Variants in MEF2A observed in about 807,000 individuals in gnomAD.
The protein encoded by MEF2A is myocyte-specific enhancer factor 2A.
MEF2A carries 28 observed loss-of-function variants against 55.8 expected under a neutral mutation model. The observed-to-expected ratio is 0.50, with a 90% CI of 0.37 to 0.69. The LOEUF is 0.69. MEF2A is among the 30% of genes least tolerant of loss of function. The probability of loss-of-function intolerance (pLI) is 0.00; values close to 1 mark genes in which losing one functional copy is unlikely to be tolerated. For synonymous variants in MEF2A, 239 were observed against 227.1 expected (o/e 1.05, Z -0.47); for missense variants, 528 against 626.2 (o/e 0.84, Z 1.67).
At chr15:99,688,596 T>G (rs901180727) in intron 7 of MEF2A, among the ~76,000 whole-genome samples, 1 of 151,914 alleles carries the variant, frequency 6.6e-6, no homozygotes, top group Admixed American at 6.6e-5. Flanking sequence ...TCTCTGGTAA[T>G]ACCACAAAAA....
intron 1 of MEF2A, among the ~76,000 whole-genome samples, chr15:99,577,772 C>T (rs543333925): frequency 1.2e-4 from 18 of 152,226 alleles, no homozygotes; most frequent in African/African-American, 4.1e-4. Flanking sequence ...GATATTAACT[C>T]ATTTTTTTTG....
chr15:99,683,642 G>T (rs980860118), intron 7 of MEF2A, among the ~76,000 whole-genome samples: 3 of 150,440 alleles, frequency 2.0e-5, no homozygotes, highest in Non-Finnish European at 4.4e-5. Flanking sequence ...GACCTCAGGT[G>T]ATCTACCCAT....
chr15:99,570,809 G>GA (rs11287766), intron 1 of MEF2A, among the ~76,000 whole-genome samples: 2,416 of 136,480 alleles, frequency 0.018, 28 homozygotes, highest in South Asian at 0.023. Context: ...TCTTCTTAAA[G>GA]AAAAAAAAAA....
At chr15:99,606,518 C>T (rs973652031) in intron 2 of MEF2A, among the ~76,000 whole-genome samples, 1 of 151,986 alleles carries the variant, frequency 6.6e-6, no homozygotes, top group East Asian at 1.9e-4. Flanking sequence ...ATATTCAAAG[C>T]GCTTCTACAA....
chr15:99,567,016 A>G (rs1332953380), intron 1 of MEF2A, among the ~76,000 whole-genome samples: 1 of 152,250 alleles, frequency 6.6e-6, no homozygotes, highest in African/African-American at 2.4e-5. Context: ...GATAGTGCAA[A>G]CAAGTTTGGA....
At chr15:99,656,113 G>A (rs2047666737) in intron 4 of MEF2A, among the ~76,000 whole-genome samples, 1 of 152,066 alleles carries the variant, frequency 6.6e-6, no homozygotes, top group African/African-American at 2.4e-5. Flanking sequence ...ATGATACTCA[G>A]TTAAAACTTC....
chr15:99,599,069 T>A (rs1972150980), intron 2 of MEF2A, among the ~76,000 whole-genome samples: 1 of 152,154 alleles, frequency 6.6e-6, no homozygotes, highest in African/African-American at 2.4e-5. Flanking sequence ...AGGAGGAGAC[T>A]ATTTTGATTA....
chr15:99,713,462 G>GAAATAT lies in MEF2A; in HGVS notation c.*693_*698dup, dbSNP rs2058863495. 6.5e-6 allele frequency: 1 copy of GAAATAT among 154,426 alleles called. No homozygotes were observed. The highest frequency in any genetic ancestry group is 2.4e-5 in the African/African-American group (1 of 41,650). 9.6% of individuals were successfully genotyped at this position (154,426 alleles called of 1,614,324 possible). On this transcript the variant is annotated 3_prime_UTR_variant, in exon 12 of 12. Coordinates refer to ENST00000557942, the MANE Select transcript of MEF2A (RefSeq NM_001319206.4). ...GAGATATTCAGAAAATACTAGCCTA[G>GAAATAT]AAATATAGAGCATTAACAAAGTAAA...
rs61081584 is a variant in MEF2A, at chr15:99,646,558, G to A, written c.258+794G>A. ...AAAGATGCATATTTTGGCTTAGTTT[G>A]TAATAGAAAAGTATTAGGCATTTCT... On this transcript the variant is annotated intron_variant, in intron 4 of 11. Transcript: ENST00000557942. Among the ~76,000 whole-genome samples the A allele has an allele frequency of 5.4e-3, 827 of 152,132 alleles. 3 individuals carry two copies. The highest frequency in any genetic ancestry group is 0.019 in the African/African-American group (788 of 41,540).
chr15:99,657,440 G>A (rs1194039244), intron 4 of MEF2A: 1 of 151,734 alleles, frequency 6.6e-6, no homozygotes, highest in Non-Finnish European at 1.5e-5. Flanking sequence ...TTCTGTTGAA[G>A]ACATCTAAAA....
At chr15:99,628,849 G>GTATA (rs1450725257) in intron 2 of MEF2A, among the ~76,000 whole-genome samples, 2 of 151,854 alleles carry the variant, frequency 1.3e-5, no homozygotes, top group Admixed American at 6.6e-5. Context: ...TATCCAAGCT[G>GTATA]TATATAGGGT....
chr15:99,643,215 A>T (rs1307960196), intron 3 of MEF2A, among the ~76,000 whole-genome samples: 1 of 152,204 alleles, frequency 6.6e-6, no homozygotes, highest in Non-Finnish European at 1.5e-5. Context: ...TGTATTGTAA[A>T]ATACTAATTA....
At chr15:99,650,436 A>G (rs2046670960) in intron 4 of MEF2A, among the ~76,000 whole-genome samples, 1 of 152,230 alleles carries the variant, frequency 6.6e-6, no homozygotes, top group Non-Finnish European at 1.5e-5. Flanking sequence ...TAATAGCAGT[A>G]AGAATGATAG....
At chr15:99,610,118 A>G (rs1446872243) in intron 2 of MEF2A, among the ~76,000 whole-genome samples, 1 of 151,942 alleles carries the variant, frequency 6.6e-6, no homozygotes, top group Non-Finnish European at 1.5e-5. Context: ...TTTGAAATCA[A>G]GAATCGTATA....
intron 2 of MEF2A, among the ~76,000 whole-genome samples, chr15:99,626,541 G>C (rs2042083311): frequency 6.6e-6 from 1 of 152,000 alleles, no homozygotes; most frequent in African/African-American, 2.4e-5. Context: ...GAAAATCACA[G>C]CATCTTAATT....
chr15:99,674,559 A>T lies in MEF2A; in HGVS notation c.557A>T (p.His186Leu), dbSNP rs370083199. Residue 186 changes from histidine (H) to leucine (L), a missense_variant, in exon 6 of 12, where the codon CAT (histidine) becomes CTT (leucine). By Grantham distance (99) the His-to-Leu change is moderately conservative. Transcript: ENST00000557942. ...SMLSPPQTTL[H>L]RNVSPGAPQR... ...CTCTCTCCACCTCAAACCACATTAC[A>T]TAGAAATGTGTCTCCTGGAGCTCCT... is the stretch of plus-strand genomic sequence containing the variant. The T allele has an allele frequency of 6.2e-7, 1 of 1,613,848 alleles. No homozygotes were observed. Among genetic ancestry groups the T allele is most frequent in the African/African-American group, 1.3e-5 (1 of 74,908 alleles).
chr15:99,659,496 C>T (rs1265708181), intron 4 of MEF2A, among the ~76,000 whole-genome samples: 1 of 152,168 alleles, frequency 6.6e-6, no homozygotes, highest in African/African-American at 2.4e-5. Flanking sequence ...ATTCTCTCTT[C>T]TCAGTGGTTG....
chr15:99,667,589 T>A (rs1377019697), intron 4 of MEF2A, among the ~76,000 whole-genome samples: 1 of 152,072 alleles, frequency 6.6e-6, no homozygotes, highest in Admixed American at 6.5e-5. Flanking sequence ...AAGTAATTAA[T>A]TAGTGAGGGA....
rs1448986827 is a variant in MEF2A at position 99,712,300 on chromosome 15, C to T, written c.1137-90C>T. 5.6e-6 allele frequency: 8 copies of T among 1,440,946 alleles called. No individual in the cohort carries two copies. In the African/African-American group the frequency reaches 7.1e-5, roughly 13 times the overall value. 89.3% of individuals were successfully genotyped at this position (1,440,946 alleles called of 1,614,324 possible). On this transcript the variant is annotated intron_variant, in intron 11 of 11. Transcript: ENST00000557942. This position sits in a 1 kb window ranked among gnomAD's most constrained non-coding sequence, Gnocchi z 4.1. ...CTGATAAGATTTCAGACTCTGGGCC[C>T]TTTTCCATCAGGCAGTGTCTCTACT...
Sources: gnomAD v4.1 joint callset for allele counts (sites outside exome capture counted in the v4.1 genomes callset) on GRCh38, gnomAD v4.1.1 for gene constraint, Gnocchi (gnomAD v3.1) non-coding constraint, MANE v1.5 for transcripts, NCBI Gene and HGNC (gene_info 2026-07-23, HGNC 2026-07-21) for gene names.